The following AKAP19 variants were observed in gnomAD, a reference collection of about 807,000 sequenced individuals.
AKAP19 encodes the protein small A-kinase anchoring protein.
At chr2:190,091,772 A>C in the AKAP19 span, among the ~76,000 whole-genome samples, 1 of 152,194 alleles carries the variant, frequency 6.6e-6, no homozygotes, top group East Asian at 1.9e-4. Context: ...AAATGTGCTT[A>C]AAATTCTTGG....
At chr2:189,967,656 A>G in the AKAP19 span, among the ~76,000 whole-genome samples, 1 of 152,080 alleles carries the variant, frequency 6.6e-6, no homozygotes, top group Non-Finnish European at 1.5e-5. Flanking sequence ...TTTGAGATGC[A>G]AAAAGAAAGC....
chr2:190,180,497 C>A, the AKAP19 span: 12 of 985,446 alleles, frequency 1.2e-5, no homozygotes, highest in African/African-American at 1.7e-5. This position sits in a 1 kb window ranked among gnomAD's most constrained non-coding sequence, Gnocchi z 6.8. Flanking sequence ...TTGACCTCTG[C>A]GATGCCTCGC....
chr2:189,917,148 T>C, the AKAP19 span: 2 of 476,904 alleles, frequency 4.2e-6, no homozygotes, highest in Non-Finnish European at 3.7e-6. Context: ...AAAAATACTG[T>C]AATGATTTAA....
the AKAP19 span, among the ~76,000 whole-genome samples, chr2:189,964,142 G>T: frequency 4.3e-4 from 65 of 152,280 alleles, no homozygotes; most frequent in Non-Finnish European, 7.2e-4. Context: ...GTATTAATGG[G>T]CATGAAAGCA....
chr2:190,192,912 T>C, the AKAP19 span, among the ~76,000 whole-genome samples: 1 of 152,108 alleles, frequency 6.6e-6, no homozygotes, highest in Non-Finnish European at 1.5e-5. Context: ...GGGGAGGCCA[T>C]ATAATCTTTA....
the AKAP19 span, among the ~76,000 whole-genome samples, chr2:190,101,394 AC>A: frequency 1.3e-5 from 2 of 152,072 alleles, no homozygotes; most frequent in Non-Finnish European, 2.9e-5. Context: ...ATTGCTGGGT[AC>A]CCTATCCTGC....
At chr2:190,060,190 C>G in the AKAP19 span, 13 of 1,613,066 alleles carry the variant, frequency 8.1e-6, no homozygotes, top group South Asian at 1.4e-4. Context: ...GTCTTCACAT[C>G]AATGCTCTGC....
the AKAP19 span, among the ~76,000 whole-genome samples, chr2:190,043,855 A>C: frequency 1.3e-5 from 2 of 152,248 alleles, no homozygotes; most frequent in Non-Finnish European, 2.9e-5. Context: ...CATTGAGTAC[A>C]GTCAATAGAC....
the AKAP19 span, among the ~76,000 whole-genome samples, chr2:190,139,531 C>CA: frequency 6.6e-6 from 1 of 152,152 alleles, no homozygotes; most frequent in African/African-American, 2.4e-5. Context: ...TGGGAGGCCT[C>CA]AGGACACCTA....
At chr2:190,169,805 T>C in the AKAP19 span, among the ~76,000 whole-genome samples, 2 of 152,160 alleles carry the variant, frequency 1.3e-5, no homozygotes, top group African/African-American at 4.8e-5. Context: ...GCTTTAAGAG[T>C]AGAACAAATG....
At chr2:190,057,793 A>G in the AKAP19 span, among the ~76,000 whole-genome samples, 1 of 152,118 alleles carries the variant, frequency 6.6e-6, no homozygotes, top group Admixed American at 6.6e-5. Context: ...GTTAATTTAC[A>G]CTAGGCTTGA....
At chr2:190,069,165 TGTGTGTGTGTGA>T in the AKAP19 span, among the ~76,000 whole-genome samples, 13 of 143,278 alleles carry the variant, frequency 9.1e-5, no homozygotes, top group Admixed American at 3.4e-4. Flanking sequence ...TGTGTGTGTG[TGTGTGTGTGTGA>T]GAGAGAGAGA....
At chr2:189,924,220 C>T in the AKAP19 span, 5 of 1,526,200 alleles carry the variant, frequency 3.3e-6, no homozygotes, top group South Asian at 1.1e-5. Context: ...CTCTTAAGCA[C>T]ATAGTGGGGT....
At chr2:189,911,743 T>C in the AKAP19 span, among the ~76,000 whole-genome samples, 7 of 152,274 alleles carry the variant, frequency 4.6e-5, no homozygotes, top group African/African-American at 1.4e-4. Flanking sequence ...TTACTGTCTT[T>C]AATGACAATT....
chr2:190,158,154 C>G, the AKAP19 span, among the ~76,000 whole-genome samples: 1 of 152,190 alleles, frequency 6.6e-6, no homozygotes, highest in East Asian at 1.9e-4. Flanking sequence ...AATCACGACC[C>G]TTTCATGTAA....
chr2:190,008,595 TAA>T, the AKAP19 span, among the ~76,000 whole-genome samples: 20 of 152,238 alleles, frequency 1.3e-4, no homozygotes, highest in African/African-American at 4.8e-4. Context: ...AAGATGAAAA[TAA>T]AAAGTTTAAA....
the AKAP19 span, among the ~76,000 whole-genome samples, chr2:189,947,745 C>T: frequency 6.6e-6 from 1 of 151,980 alleles, no homozygotes; most frequent in Non-Finnish European, 1.5e-5. Flanking sequence ...AAATCTGTAA[C>T]CCATATAGAT....
chr2:189,944,345 T>G, the AKAP19 span, among the ~76,000 whole-genome samples: 2 of 152,176 alleles, frequency 1.3e-5, no homozygotes, highest in Admixed American at 6.5e-5. Context: ...CACCATGTGA[T>G]GTACCTGTTC....
the AKAP19 span, among the ~76,000 whole-genome samples, chr2:190,026,986 A>G: frequency 6.6e-6 from 1 of 152,220 alleles, no homozygotes; most frequent in Non-Finnish European, 1.5e-5. Flanking sequence ...CCATAAACAG[A>G]GTAATTTACC....
Sources: gnomAD v4.1 joint callset for allele counts (sites outside exome capture counted in the v4.1 genomes callset) on GRCh38, gnomAD v4.1.1 for gene constraint, Gnocchi (gnomAD v3.1) non-coding constraint, MANE v1.5 for transcripts, NCBI Gene and HGNC (gene_info 2026-07-23, HGNC 2026-07-21) for gene names.